The following PTPRN2 variants were observed in gnomAD, a reference collection of about 807,000 sequenced individuals.
The protein encoded by PTPRN2 is receptor-type tyrosine-protein phosphatase N2.
A neutral mutation model predicts 118.8 loss-of-function variants in PTPRN2; 74 were observed. The observed-to-expected ratio is 0.62, with a 90% CI of 0.52 to 0.76. The LOEUF (loss-of-function observed/expected upper bound fraction) is 0.76, where lower values mean the gene tolerates loss of function less well. Ranked by LOEUF, PTPRN2 falls within the 30% of genes least tolerant of loss-of-function variation. The probability of loss-of-function intolerance (pLI) is 0.00; values close to 1 mark genes in which losing one functional copy is unlikely to be tolerated. For synonymous variants in PTPRN2, 641 were observed against 608.0 expected (o/e 1.05, Z -0.80); for missense variants, 1,481 against 1,394.4 (o/e 1.06, Z -0.99).
chr7:158,215,602 A>C (rs1381269364), intron 3 of PTPRN2, among the ~76,000 whole-genome samples: 1 of 152,160 alleles, frequency 6.6e-6, no homozygotes, highest in Non-Finnish European at 1.5e-5. Flanking sequence ...ACAAAGAAAA[A>C]TCTTAACAGC....
chr7:158,164,282 C>T (rs975692530), intron 6 of PTPRN2, among the ~76,000 whole-genome samples: 2 of 151,218 alleles, frequency 1.3e-5, no homozygotes, highest in East Asian at 2.0e-4. Flanking sequence ...AGCAAGAGCG[C>T]GTGCGTAGGA....
At chr7:158,319,593 ACG>A (rs1324594906) in intron 2 of PTPRN2, among the ~76,000 whole-genome samples, 3 of 35,018 alleles carry the variant, frequency 8.6e-5, no homozygotes. Context: ...TCCCTCACAC[ACG>A]CACACAGCCT....
intron 3 of PTPRN2, among the ~76,000 whole-genome samples, chr7:158,235,492 T>A (rs558106029): frequency 6.6e-6 from 1 of 152,104 alleles, no homozygotes; most frequent in South Asian, 2.1e-4. Context: ...AAGCCAAACA[T>A]AGAAAGACAA....
In PTPRN2 at chr7:157,847,956, T is replaced by C. The variant is rs371393762; in HGVS notation, c.1788+50717A>G. 1.9e-4 allele frequency among the ~76,000 whole-genome samples: 29 copies of C among 151,622 alleles called. No homozygotes were observed. The East Asian group carries it at 4.3e-3, about 22-fold the overall frequency. On this transcript the variant is annotated intron_variant, in intron 12 of 22. Coordinates refer to ENST00000389418, the MANE Select transcript of PTPRN2 (RefSeq NM_002847.5). ...GTCTACAGAGCCCTCTCTCACTCCA[T>C]CATGTATGCCCGATGTTTACAGAGC...
chr7:158,400,182 C>T (rs1055552622), intron 2 of PTPRN2, among the ~76,000 whole-genome samples: 1 of 152,280 alleles, frequency 6.6e-6, no homozygotes, highest in Non-Finnish European at 1.5e-5. Context: ...GAGGCCCCCA[C>T]AAACATCAAG....
intron 15 of PTPRN2, among the ~76,000 whole-genome samples, chr7:157,605,162 G>A (rs1365012838): frequency 6.6e-6 from 1 of 152,278 alleles, no homozygotes; most frequent in Non-Finnish European, 1.5e-5. Context: ...AGTCAGGCAT[G>A]GAGTGGCGAG....
intron 2 of PTPRN2, among the ~76,000 whole-genome samples, chr7:158,335,645 A>T (rs1586337684): frequency 7.5e-5 from 1 of 13,316 alleles, no homozygotes; most frequent in Non-Finnish European, 2.0e-4. Context: ...TCACTCACGT[A>T]CACACTTCTC....
At chr7:158,471,751 GAATA>G (rs10535095) in intron 2 of PTPRN2, among the ~76,000 whole-genome samples, 105,656 of 151,790 alleles carry the variant, frequency 0.7, 36,951 homozygotes, top group Admixed American at 0.78. Context: ...CAAGCTAAAT[GAATA>G]AAGAAAAGGA....
At chr7:158,341,795 C>G (rs1184703556) in intron 2 of PTPRN2, among the ~76,000 whole-genome samples, 1 of 141,576 alleles carries the variant, frequency 7.1e-6, no homozygotes, top group African/African-American at 2.8e-5. Flanking sequence ...CACTCACACC[C>G]ACACTCTCAC....
At chr7:158,155,619 C>CCA (rs879547190) in intron 6 of PTPRN2, among the ~76,000 whole-genome samples, 12,440 of 47,190 alleles carry the variant, frequency 0.26, 37 homozygotes, top group African/African-American at 0.33. Context: ...ACCATCAACA[C>CCA]TATCATCACC....
intron 12 of PTPRN2, among the ~76,000 whole-genome samples, chr7:157,839,775 A>G (rs1333920419): frequency 6.8e-6 from 1 of 147,218 alleles, no homozygotes; most frequent in Non-Finnish European, 1.5e-5. Context: ...GTGACTATGT[A>G]ACCATGTGTG....
At chr7:158,123,815 C>T (rs539409477) in intron 9 of PTPRN2, among the ~76,000 whole-genome samples, 1 of 152,286 alleles carries the variant, frequency 6.6e-6, no homozygotes, top group South Asian at 2.1e-4. Context: ...TCGGGAAGTG[C>T]CTCCAGCAGG....
intron 12 of PTPRN2, among the ~76,000 whole-genome samples, chr7:157,878,012 G>A (rs1795883435): frequency 6.6e-6 from 1 of 152,252 alleles, no homozygotes; most frequent in Admixed American, 6.5e-5. Context: ...CGTTCTTGAT[G>A]CGGAGCGAAG....
chr7:158,130,909 A>ACT lies in PTPRN2; in HGVS notation c.1556+2767_1556+2768insAG, dbSNP rs1491442045. On this transcript the variant is annotated intron_variant, in intron 9 of 22. Transcript: ENST00000389418. ...CGCACAAACCGATACACATCTACCG[A>ACT]CACACACACTCATACACACACATGC... 3.3e-4 allele frequency among the ~76,000 whole-genome samples: 20 copies of ACT among 60,804 alleles called. 1 individual carries two copies. Among genetic ancestry groups the ACT allele is most frequent in the Admixed American group, 2.8e-3 (16 of 5,724 alleles). 39.9% of individuals were successfully genotyped at this position (60,804 alleles called of 152,430 possible). A position where few individuals can be genotyped will look rare whatever the true frequency, so the allele number is the denominator to read the frequency against.
At chr7:158,374,145 C>T (rs1034783897) in intron 2 of PTPRN2, among the ~76,000 whole-genome samples, 2 of 152,178 alleles carry the variant, frequency 1.3e-5, no homozygotes, top group African/African-American at 4.8e-5. Context: ...CCATCCCCAC[C>T]GCAAACAGAG....
At position 158,266,357 on chromosome 7, in the gene PTPRN2, C is replaced by T. The variant is rs112123687; in HGVS notation, c.277+50462G>A. On this transcript the variant is annotated intron_variant, in intron 3 of 22. Coordinates refer to ENST00000389418, the MANE Select transcript of PTPRN2 (RefSeq NM_002847.5). The stretch of plus-strand genomic sequence containing the variant: ...TGTCTGGCAGTGAGGCTGGGGACGG[C>T]GTCTGCTGCGGGGTATTGTCTGGCA... 6.5e-3 allele frequency among the ~76,000 whole-genome samples: 406 copies of T among 62,448 alleles called. 6 individuals carry two copies. Among genetic ancestry groups the T allele is most frequent in the African/African-American group, 0.029 (361 of 12,548 alleles). 41.0% of individuals were successfully genotyped at this position (62,448 alleles called of 152,430 possible).
chr7:157,811,705 C>T (rs954385867), intron 12 of PTPRN2, among the ~76,000 whole-genome samples: 14 of 152,208 alleles, frequency 9.2e-5, no homozygotes, highest in Admixed American at 3.9e-4. Flanking sequence ...CCCCACAGGC[C>T]GGCCCCTGTG....
At chr7:158,107,850 GC>G (rs1191133112) in intron 10 of PTPRN2, among the ~76,000 whole-genome samples, 1 of 146,256 alleles carries the variant, frequency 6.8e-6, no homozygotes, top group Non-Finnish European at 1.5e-5. Flanking sequence ...CCCTGCACCT[GC>G]CCCCTCTCAC....
chr7:158,576,469 C>G (rs1186379111), intron 1 of PTPRN2, among the ~76,000 whole-genome samples: 1 of 152,236 alleles, frequency 6.6e-6, no homozygotes. Flanking sequence ...GGCCCACAGC[C>G]TGCACCACCA....
Sources: gnomAD v4.1 joint callset for allele counts (sites outside exome capture counted in the v4.1 genomes callset) on GRCh38, gnomAD v4.1.1 for gene constraint, MANE v1.5 for transcripts, NCBI Gene and HGNC (gene_info 2026-07-23, HGNC 2026-07-21) for gene names.